Variants in PLEKHA5 observed in about 807,000 individuals in gnomAD.
The protein encoded by PLEKHA5 is pleckstrin homology domain-containing family A member 5.
Under a neutral mutation model 181.9 loss-of-function variants are expected in PLEKHA5, and 55 were observed. The observed-to-expected ratio is 0.30, with a 90% CI of 0.24 to 0.38. The LOEUF (loss-of-function observed/expected upper bound fraction) is 0.38, where lower values mean the gene tolerates loss of function less well. Among genes scored for constraint, PLEKHA5 ranks in the 10% least tolerant of loss-of-function variants. PLEKHA5 has a pLI of 1.00. For missense variants in PLEKHA5, 1,432 were observed against 1,549.5 expected (o/e 0.92, Z 1.27); for synonymous variants, 535 against 529.4 (o/e 1.01, Z -0.15).
rs1303815397 is a variant in PLEKHA5 at position 19,376,005 on chromosome 12, A to G, written c.*486A>G. The G allele has an allele frequency of 2.0e-5, 3 of 152,156 alleles. No individual in the cohort carries two copies. Among genetic ancestry groups the G allele is most frequent in the Non-Finnish European group, 2.9e-5 (2 of 67,938 alleles). 9.4% of individuals were successfully genotyped at this position (152,156 alleles called of 1,614,324 possible). A position where few individuals can be genotyped will look rare whatever the true frequency, so the allele number is the denominator to read the frequency against. ...CTTGATTTGTAAAAATTTTATATAT[A>G]TGTATTTAAAATGTGCCATTTTATT... On this transcript the variant is annotated 3_prime_UTR_variant, in exon 32 of 32. Coordinates refer to ENST00000429027, the MANE Select transcript of PLEKHA5 (RefSeq NM_001256470.2).
At chr12:19,156,864 G>A (rs1020860508) in intron 3 of PLEKHA5, among the ~76,000 whole-genome samples, 22 of 145,222 alleles carry the variant, frequency 1.5e-4, no homozygotes, top group African/African-American at 5.6e-4. Flanking sequence ...GGCCAACATG[G>A]TAAAAACAAA....
intron 3 of PLEKHA5, chr12:19,149,538 A>ACT (rs1270180956): frequency 1.3e-5 from 2 of 152,164 alleles, no homozygotes; most frequent in Middle Eastern, 3.1e-3. Flanking sequence ...AGAAAAAAAA[A>ACT]CTCAGTGGCT....
Position 19,368,698 on chromosome 12 carries a change from G to A in PLEKHA5, c.3755-995G>A, listed in dbSNP as rs1012632328. Reference sequence around the variant, plus strand: ...CCCAGCTACTCAGGAGGCTGAGGCAGGAGAATCGCTTGAACTTGGGAGGCA... The same window carrying A: ...CCCAGCTACTCAGGAGGCTGAGGCAAGAGAATCGCTTGAACTTGGGAGGCA... On this transcript the variant is annotated intron_variant, in intron 30 of 31. Transcript: ENST00000429027. Among the ~76,000 whole-genome samples the A allele has an allele frequency of 5.9e-5, 9 of 152,276 alleles. No individual in the cohort carries two copies. The South Asian group carries it at 1.9e-3, about 32-fold the overall frequency.
At chr12:19,166,807 A>G (rs901146946) in intron 3 of PLEKHA5, among the ~76,000 whole-genome samples, 2 of 152,184 alleles carry the variant, frequency 1.3e-5, no homozygotes, top group Non-Finnish European at 2.9e-5. Flanking sequence ...TTCCCTAACT[A>G]CGTGAATCAT....
chr12:19,256,479 G>A (rs1760685277), intron 5 of PLEKHA5, among the ~76,000 whole-genome samples: 1 of 152,190 alleles, frequency 6.6e-6, no homozygotes, highest in South Asian at 2.1e-4. Flanking sequence ...CTGGGTGCTG[G>A]AGCCCAAGAG....
intron 6 of PLEKHA5, among the ~76,000 whole-genome samples, chr12:19,259,566 C>T (rs1203973268): frequency 6.6e-6 from 1 of 151,938 alleles, no homozygotes. Flanking sequence ...GCCTGGCCAA[C>T]ATGGAGAAAC....
intron 15 of PLEKHA5, among the ~76,000 whole-genome samples, chr12:19,299,163 T>G (rs1449922013): frequency 6.6e-6 from 1 of 152,262 alleles, no homozygotes; most frequent in African/African-American, 2.4e-5. Context: ...TGGAGTTCTA[T>G]TATGTTCTCC....
At chr12:19,213,981 C>A (rs1199625868) in intron 3 of PLEKHA5, among the ~76,000 whole-genome samples, 1 of 152,004 alleles carries the variant, frequency 6.6e-6, no homozygotes, top group African/African-American at 2.4e-5. Flanking sequence ...TATGATAATA[C>A]TAATATTATC....
In PLEKHA5 at chr12:19,129,766, A is replaced by G. The variant is rs776990533; in HGVS notation, c.-34A>G. The G allele has an allele frequency of 8.5e-5, 129 of 1,515,072 alleles. No homozygotes were observed. Among genetic ancestry groups the G allele is most frequent in the Non-Finnish European group, 1.1e-4 (124 of 1,103,300 alleles). The allele number at this position is 1,515,072 out of a possible 1,614,324, so 93.9% of individuals were successfully genotyped here. On this transcript the variant is annotated 5_prime_UTR_variant, in exon 1 of 32. Coordinates refer to ENST00000429027, the MANE Select transcript of PLEKHA5 (RefSeq NM_001256470.2). ...CTCCCTCGGCAGCCGCGGCGGCAGC[A>G]GGAGAAGGCGGCGGCGGCGGCTAGG...
chr12:19,163,474 C>G (rs2043480061), intron 3 of PLEKHA5, among the ~76,000 whole-genome samples: 1 of 152,096 alleles, frequency 6.6e-6, no homozygotes, highest in African/African-American at 2.4e-5. Flanking sequence ...ACCCACCGCG[C>G]CCAGCCTGAA....
intron 7 of PLEKHA5, among the ~76,000 whole-genome samples, chr12:19,264,244 T>C (rs2069537344): frequency 6.6e-6 from 1 of 152,080 alleles, no homozygotes; most frequent in Non-Finnish European, 1.5e-5. Flanking sequence ...CATCAATAAC[T>C]TGGCAAGGAT....
Position 19,260,956 on chromosome 12 carries a change from C to T in PLEKHA5, c.545C>T (p.Thr182Ile). ...RRGWLYKQDS[T>I]GMKLWKKRWF... is the part of the protein sequence containing the mutation. Reference sequence around the variant, plus strand: ...TATGCTGATTTAATCCAGGACAGTACTGGCATGAAATTGTGGAAGAAACGC... The same window carrying T: ...TATGCTGATTTAATCCAGGACAGTATTGGCATGAAATTGTGGAAGAAACGC... Residue 182 changes from threonine to isoleucine, a missense_variant, in exon 7 of 32, where the codon ACT becomes ATT. Transcript: ENST00000429027. 1 of 1,594,282 alleles carries T rather than the reference C, an allele frequency of 6.3e-7. No individual in the cohort carries two copies. Among genetic ancestry groups the T allele is most frequent in the Non-Finnish European group, 8.6e-7 (1 of 1,165,694 alleles).
At chr12:19,172,726 C>T (rs2046200807) in intron 3 of PLEKHA5, among the ~76,000 whole-genome samples, 2 of 152,126 alleles carry the variant, frequency 1.3e-5, no homozygotes, top group Admixed American at 1.3e-4. Flanking sequence ...AGAGCACCAT[C>T]ATTATTCTTA....
chr12:19,363,520 C>A (rs1213671787), intron 29 of PLEKHA5, among the ~76,000 whole-genome samples: 1 of 149,380 alleles, frequency 6.7e-6, no homozygotes, highest in African/African-American at 2.5e-5. Context: ...GAGACAGAGT[C>A]TCACTCTGTC....
In PLEKHA5 at chr12:19,328,011, A is replaced by G. The variant is rs533427850; in HGVS notation, c.2448+5344A>G. Among the ~76,000 whole-genome samples, 7 of 152,298 alleles carry G rather than the reference A, an allele frequency of 4.6e-5. No individual in the cohort carries two copies. The East Asian group carries it at 1.3e-3, about 29-fold the overall frequency. On this transcript the variant is annotated intron_variant, in intron 20 of 31. Transcript: ENST00000429027. ...ATCCACCTTGAGTTAATTTTTGTATATGGTGAAAGTAACGGGTCAGTTTCA... is the reference window on the plus strand; with the variant it reads ...ATCCACCTTGAGTTAATTTTTGTATGTGGTGAAAGTAACGGGTCAGTTTCA...
intron 10 of PLEKHA5, 87 bp from the exon 11 acceptor site, chr12:19,274,428 TA>T: frequency 2.6e-6 from 2 of 778,372 alleles, no homozygotes; most frequent in Non-Finnish European, 2.0e-6. Flanking sequence ...CCCACCCCCG[TA>T]AAGTATAATT....
In PLEKHA5 at chr12:19,354,766, G is replaced by A. The variant is rs564341851; in HGVS notation, c.3138+764G>A. On this transcript the variant is annotated intron_variant, in intron 26 of 31. Coordinates refer to ENST00000429027, the MANE Select transcript of PLEKHA5 (RefSeq NM_001256470.2). ...CAAACTGCTGGGATTACAGGCGTGA[G>A]CCACCGCGCCCGGCCTTAAAATTTT... Among the ~76,000 whole-genome samples the A allele has an allele frequency of 1.8e-4, 28 of 152,314 alleles. No homozygotes were observed. In the East Asian group the frequency reaches 5.2e-3, roughly 28 times the overall value.
At chr12:19,257,333 C>T (rs2067142529) in intron 5 of PLEKHA5, 100 bp from the exon 6 acceptor site, 1 of 615,968 alleles carries the variant, frequency 1.6e-6, no homozygotes, top group Non-Finnish European at 2.8e-6. Context: ...TCCTGCAAGT[C>T]TTGGGAAAAT....
At chr12:19,155,529 C>A (rs563493463) in intron 3 of PLEKHA5, among the ~76,000 whole-genome samples, 14 of 152,124 alleles carry the variant, frequency 9.2e-5, no homozygotes, top group Non-Finnish European at 1.9e-4. Flanking sequence ...TAGGAATCAT[C>A]GGTATTAGGG....
Sources: allele counts gnomAD v4.1 joint callset (sites outside exome capture counted in the v4.1 genomes callset), GRCh38; gene constraint gnomAD v4.1.1; transcripts MANE v1.5; gene names NCBI Gene and HGNC (gene_info 2026-07-23, HGNC 2026-07-21).